PIK3C3: variants seen among roughly 807,000 people sequenced by gnomAD.
PIK3C3 encodes the protein PI3-kinase type 3.
PIK3C3 carries 95 observed loss-of-function variants against 126.1 expected under a neutral mutation model. The observed-to-expected ratio is 0.75, with a 90% confidence interval of 0.64 to 0.89. PIK3C3 has a LOEUF of 0.89. Among genes scored for constraint, PIK3C3 ranks in the 40% least tolerant of loss-of-function variants. The probability of loss-of-function intolerance (pLI) is 0.00; values close to 1 mark genes in which losing one functional copy is unlikely to be tolerated. For missense variants in PIK3C3, 829 were observed against 1,063.2 expected (o/e 0.78, Z 3.06); for synonymous variants, 374 against 360.0 (o/e 1.04, Z -0.44).
At chr18:41,996,769 A>G (rs771469868) in intron 9 of PIK3C3, 39 bp downstream of exon 9, 3 of 998,064 alleles carry the variant, frequency 3.0e-6, no homozygotes, top group Non-Finnish European at 4.6e-6. Context: ...AAATTTATCT[A>G]CCAACTTTGT....
At chr18:42,056,232 T>C (rs1191253435) in intron 21 of PIK3C3, among the ~76,000 whole-genome samples, 1 of 152,178 alleles carries the variant, frequency 6.6e-6, no homozygotes, top group Non-Finnish European at 1.5e-5. Flanking sequence ...TACATGGCTA[T>C]TTAACTTGTA....
intron 2 of PIK3C3, among the ~76,000 whole-genome samples, chr18:41,961,570 T>C (rs1309675626): frequency 6.6e-6 from 1 of 152,202 alleles, no homozygotes; most frequent in African/African-American, 2.4e-5. Flanking sequence ...GTTTTAGCAA[T>C]ACAGATGTAT....
At chr18:41,966,334 T>G (rs948846476) in intron 3 of PIK3C3, among the ~76,000 whole-genome samples, 1 of 152,052 alleles carries the variant, frequency 6.6e-6, no homozygotes, top group Non-Finnish European at 1.5e-5. Context: ...CGTGCCCAGC[T>G]AATTTTTGTA....
chr18:42,027,573 C>T (rs1250264544), intron 14 of PIK3C3, 25 bp downstream of exon 14: 1 of 1,399,436 alleles, frequency 7.1e-7, no homozygotes, highest in Admixed American at 1.7e-5. Flanking sequence ...TGAGGGTTGG[C>T]AAACTGCAGC....
chr18:42,022,564 A>G (rs977668516), intron 13 of PIK3C3, among the ~76,000 whole-genome samples: 5 of 152,182 alleles, frequency 3.3e-5, no homozygotes, highest in African/African-American at 7.2e-5. Flanking sequence ...TCTCTTTACA[A>G]CAAAGAAAAA....
intron 15 of PIK3C3, among the ~76,000 whole-genome samples, chr18:42,031,586 G>C (rs1466383320): frequency 1.3e-5 from 2 of 152,020 alleles, no homozygotes; most frequent in African/African-American, 2.4e-5. Context: ...CACCACGCCT[G>C]GCTAATTTTT....
intron 1 of PIK3C3, 23 bp downstream of exon 1, chr18:41,955,382 G>T (rs1338597198): frequency 7.5e-6 from 12 of 1,602,252 alleles, no homozygotes; most frequent in Middle Eastern, 1.8e-4. Context: ...TCGGGACAGG[G>T]AGTGGGATTG....
rs759840647 is a variant in PIK3C3, at chr18:42,067,420, T to C, written c.2556T>C (p.Asp852=). The change falls in exon 24 of 25, where the codon GAT becomes GAC. Residue 852 remains aspartate, a synonymous_variant. Coordinates refer to ENST00000262039, the MANE Select transcript of PIK3C3 (RefSeq NM_002647.4). The part of the protein sequence containing the change: ...VQDKFRLDLS[D]EEAVHYMQSL... ...ATAAATTCCGCTTAGACCTGTCGGA[T>C]GAAGAGGCTGTGCATTACATGCAGA... 1 of 1,614,074 alleles carries C rather than the reference T, an allele frequency of 6.2e-7. No homozygotes were observed. Among genetic ancestry groups the C allele is most frequent in the Non-Finnish European group, 8.5e-7 (1 of 1,179,878 alleles).
chr18:42,037,411 T>G (rs1362604512), intron 16 of PIK3C3, among the ~76,000 whole-genome samples: 3 of 152,236 alleles, frequency 2.0e-5, no homozygotes, highest in African/African-American at 7.2e-5. Context: ...TTAAAGGATA[T>G]GCATAAGACT....
chr18:42,003,037 A>T (rs901875839), intron 9 of PIK3C3, among the ~76,000 whole-genome samples: 3 of 152,180 alleles, frequency 2.0e-5, no homozygotes, highest in Non-Finnish European at 4.4e-5. Context: ...TTCTACATCT[A>T]GCTCATGCAC....
intron 3 of PIK3C3, 139 bp from the exon 4 acceptor site, chr18:41,970,188 A>AT (rs1980585759): frequency 5.8e-6 from 4 of 686,734 alleles, no homozygotes; most frequent in Non-Finnish European, 9.8e-6. Flanking sequence ...ATTGCTTTAC[A>AT]TTCCATTGGG....
Position 42,040,742 on chromosome 18 carries a change from G to GT in PIK3C3, c.2103+2dup. The GT allele has an allele frequency of 6.3e-7, 1 of 1,583,966 alleles. No individual in the cohort carries two copies. Among genetic ancestry groups the GT allele is most frequent in the South Asian group, 1.1e-5 (1 of 89,790 alleles). On this transcript the variant is annotated splice_donor_variant, in intron 19 of 24. Transcript: ENST00000262039. LOFTEE classifies it high-confidence loss of function. ...TCTTGATACAGAGGGAAGCATTCAG[G>GT]TATGGTATCAATAAAGATTATGCAA...
intron 24 of PIK3C3, among the ~76,000 whole-genome samples, chr18:42,067,772 C>T (rs887628172): frequency 6.6e-5 from 10 of 152,182 alleles, no homozygotes; most frequent in Admixed American, 1.3e-4. Context: ...GGTGATTATA[C>T]GTCCTCTTGA....
intron 22 of PIK3C3, chr18:42,059,835 A>C (rs1024250821): frequency 4.7e-5 from 7 of 149,264 alleles, no homozygotes; most frequent in Admixed American, 1.3e-4. Context: ...TGGCATGACC[A>C]TGGTTCACTG....
intron 4 of PIK3C3, among the ~76,000 whole-genome samples, chr18:41,980,613 C>T (rs187875592): frequency 9.8e-4 from 149 of 151,696 alleles, no homozygotes; most frequent in Non-Finnish European, 6.0e-4. Flanking sequence ...CTCAGGAGTT[C>T]GAAGCCAGCC....
intron 3 of PIK3C3, among the ~76,000 whole-genome samples, chr18:41,965,044 G>A (rs1218764729): frequency 1.3e-5 from 2 of 152,148 alleles, no homozygotes; most frequent in Non-Finnish European, 2.9e-5. Flanking sequence ...ACAGCAGAAT[G>A]GACATATTGC....
chr18:42,056,179 A>G (rs561007637), intron 21 of PIK3C3, among the ~76,000 whole-genome samples: 50 of 152,254 alleles, frequency 3.3e-4, no homozygotes, highest in Non-Finnish European at 5.3e-4. Context: ...ATTTATGAAG[A>G]TGAATTTTCT....
Position 42,043,735 on chromosome 18 carries a change from C to CT in PIK3C3, c.2112dup (p.Arg705Ter), listed in dbSNP as rs1234146599. The stretch of plus-strand genomic sequence containing the variant: ...ACATGTAAATAATGTCTTTTCAGAA[C>CT]TTTTTTAGAAAATATGCACCAAGTG... On this transcript the variant is annotated frameshift_variant, in exon 20 of 25. Coordinates refer to ENST00000262039, the MANE Select transcript of PIK3C3 (RefSeq NM_002647.4). LOFTEE classifies it high-confidence loss of function. The CT allele has an allele frequency of 6.2e-7, 1 of 1,605,504 alleles. No individual in the cohort carries two copies. Among genetic ancestry groups the CT allele is most frequent in the Non-Finnish European group, 8.5e-7 (1 of 1,172,830 alleles).
chr18:41,963,771 G>A (rs938405622), intron 3 of PIK3C3, among the ~76,000 whole-genome samples: 5 of 149,780 alleles, frequency 3.3e-5, no homozygotes, highest in Admixed American at 1.3e-4. Flanking sequence ...GCTTTTTGAT[G>A]TACTTTGTCC....
Sources: gnomAD v4.1 joint callset for allele counts (sites outside exome capture counted in the v4.1 genomes callset) on GRCh38, gnomAD v4.1.1 for gene constraint, MANE v1.5 for transcripts, NCBI Gene and HGNC (gene_info 2026-07-23, HGNC 2026-07-21) for gene names.